MCU: variants seen among roughly 807,000 people sequenced by gnomAD.
MCU encodes the protein calcium uniporter protein, mitochondrial.
MCU carries 12 observed loss-of-function variants against 45.2 expected under a neutral mutation model. That is an observed-to-expected ratio of 0.27 (90% confidence interval 0.17 to 0.43). The LOEUF is 0.43. MCU is among the 20% of genes least tolerant of loss of function. The probability of loss-of-function intolerance (pLI) is 1.00; values close to 1 mark genes in which losing one functional copy is unlikely to be tolerated. For synonymous variants in MCU, 160 were observed against 165.1 expected (o/e 0.97, Z 0.24); for missense variants, 324 against 436.7 (o/e 0.74, Z 2.30).
chr10:72,728,023 T>C, intron 1 of MCU, among the ~76,000 whole-genome samples: 1 of 152,056 alleles, frequency 6.6e-6, no homozygotes. Context: ...GACCAAATCA[T>C]TGGAGACTAC....
chr10:72,833,755 G>A (rs1158740245), intron 1 of MCU, among the ~76,000 whole-genome samples: 2 of 152,198 alleles, frequency 1.3e-5, no homozygotes, highest in African/African-American at 4.8e-5. Context: ...CACAGTGATT[G>A]CTCTTCGAGG....
At chr10:72,798,022 A>C (rs903683308) in intron 1 of MCU, among the ~76,000 whole-genome samples, 1 of 152,166 alleles carries the variant, frequency 6.6e-6, no homozygotes, top group Admixed American at 6.5e-5. Context: ...GACCAAAAAA[A>C]AGTACTAATA....
intron 1 of MCU, among the ~76,000 whole-genome samples, chr10:72,713,929 G>A (rs1842924841): frequency 6.8e-6 from 1 of 147,904 alleles, no homozygotes; most frequent in African/African-American, 2.5e-5. Context: ...GGGTGAATTT[G>A]TTTTCCTCTT....
At chr10:72,878,256 T>A (rs1845648000) in intron 6 of MCU, among the ~76,000 whole-genome samples, 1 of 151,434 alleles carries the variant, frequency 6.6e-6, no homozygotes, top group Non-Finnish European at 1.5e-5. Context: ...TAGCTGGGAC[T>A]ACAAGCACAT....
intron 1 of MCU, among the ~76,000 whole-genome samples, chr10:72,802,633 A>G (rs1844360842): frequency 6.6e-6 from 1 of 152,228 alleles, no homozygotes; most frequent in South Asian, 2.1e-4. Flanking sequence ...GCTGAAATAT[A>G]TTCAGTGTGT....
At chr10:72,727,993 A>G (rs118115867) in intron 1 of MCU, among the ~76,000 whole-genome samples, 2,237 of 152,108 alleles carry the variant, frequency 0.015, 30 homozygotes, top group Middle Eastern at 0.044. Context: ...GCCAGGAAAA[A>G]TGCCCAAATT....
At chr10:72,801,511 C>T (rs1460850214) in intron 1 of MCU, among the ~76,000 whole-genome samples, 2 of 151,314 alleles carry the variant, frequency 1.3e-5, no homozygotes, top group Non-Finnish European at 2.9e-5. Context: ...TTCACATAAA[C>T]CCTACTTCTG....
At chr10:72,840,762 TA>T (rs1348751297) in intron 2 of MCU, among the ~76,000 whole-genome samples, 2 of 152,346 alleles carry the variant, frequency 1.3e-5, no homozygotes, top group African/African-American at 4.8e-5. Context: ...AAGCACCTTA[TA>T]TTTTTTTATT....
intron 1 of MCU, among the ~76,000 whole-genome samples, chr10:72,719,265 A>G (rs1195182087): frequency 1.3e-5 from 2 of 152,194 alleles, no homozygotes; most frequent in African/African-American, 4.8e-5. Context: ...GAATTATAGG[A>G]TTATCAAGGT....
intron 1 of MCU, among the ~76,000 whole-genome samples, chr10:72,828,989 T>C (rs1250103831): frequency 6.6e-6 from 1 of 152,186 alleles, no homozygotes; most frequent in Admixed American, 6.5e-5. Context: ...TTCAAGGAAC[T>C]ATGGGAGCAC....
intron 2 of MCU, among the ~76,000 whole-genome samples, chr10:72,857,300 C>T (rs1444190841): frequency 1.3e-5 from 2 of 151,466 alleles, no homozygotes; most frequent in Admixed American, 1.3e-4. Context: ...AGTGCAGTGT[C>T]GCGATCTTGG....
intron 2 of MCU, among the ~76,000 whole-genome samples, chr10:72,837,616 C>T (rs1844973576): frequency 6.6e-6 from 1 of 152,148 alleles, no homozygotes; most frequent in East Asian, 1.9e-4. Flanking sequence ...ATCTAAAACA[C>T]GTGGTCTTAG....
intron 2 of MCU, among the ~76,000 whole-genome samples, chr10:72,854,526 G>T (rs1275069116): frequency 6.6e-6 from 1 of 152,106 alleles, no homozygotes; most frequent in Non-Finnish European, 1.5e-5. Context: ...TTGTTGTAAG[G>T]TCCTCTAAAC....
rs781446206 is a variant in MCU at position 72,871,575 on chromosome 10, C to A, written c.856C>A (p.Arg286Ser). The stretch of plus-strand genomic sequence containing the variant: ...AATGTATGCATATTTTGTAATGACA[C>A]GCCAGGTAAGAATTCTCTTCAAGTA... Reference protein sequence around the residue: ...MAMYAYFVMTRQEYVYPEARD... With the variant: ...MAMYAYFVMTSQEYVYPEARD... The change falls in exon 6 of 8, where the codon CGC (arginine) becomes AGC (serine). Residue 286 changes from arginine (R) to serine (S), a missense_variant. By Grantham distance (110) the Arg-to-Ser change is moderately radical. This residue lies in a region of MCU where 76 missense variants were observed against 99.4 expected (regional missense o/e 0.76). Transcript: ENST00000373053. 26 of 1,612,034 alleles carry A rather than the reference C, an allele frequency of 1.6e-5. No individual in the cohort carries two copies. The highest frequency in any genetic ancestry group is 2.1e-5 in the Non-Finnish European group (25 of 1,178,160).
intron 1 of MCU, among the ~76,000 whole-genome samples, chr10:72,771,321 T>G (rs1461473044): frequency 6.6e-6 from 1 of 152,206 alleles, no homozygotes; most frequent in Non-Finnish European, 1.5e-5. Flanking sequence ...GTTAGTTTGC[T>G]AAGAATGATG....
chr10:72,718,537 C>A (rs1291369737), intron 1 of MCU, among the ~76,000 whole-genome samples: 1 of 152,114 alleles, frequency 6.6e-6, no homozygotes, highest in Non-Finnish European at 1.5e-5. Flanking sequence ...TTCATATTTC[C>A]CTATGAAGAT....
chr10:72,770,092 A>G (rs527700193), intron 1 of MCU, among the ~76,000 whole-genome samples: 1 of 151,926 alleles, frequency 6.6e-6, no homozygotes, highest in South Asian at 2.1e-4. Flanking sequence ...TAATTTCCAC[A>G]TATTTATGAA....
chr10:72,877,924 G>T (rs1564582389), intron 6 of MCU, among the ~76,000 whole-genome samples: 1 of 151,954 alleles, frequency 6.6e-6, no homozygotes, highest in Non-Finnish European at 1.5e-5. Flanking sequence ...CCTAGTATAG[G>T]CTCTTTCAGG....
intron 1 of MCU, among the ~76,000 whole-genome samples, chr10:72,787,090 T>C (rs915700535): frequency 1.4e-4 from 21 of 152,242 alleles, no homozygotes; most frequent in Non-Finnish European, 5.9e-5. Flanking sequence ...TATTTTCATG[T>C]TAAGCTAAAC....
Sources: allele counts gnomAD v4.1 joint callset (sites outside exome capture counted in the v4.1 genomes callset), GRCh38; gene constraint gnomAD v4.1.1; regional missense constraint gnomAD v4.1.1; transcripts MANE v1.5; gene names NCBI Gene and HGNC (gene_info 2026-07-23, HGNC 2026-07-21).